SLC12A6: variants seen among roughly 807,000 people sequenced by gnomAD.
The protein encoded by SLC12A6 is K-Cl cotransporter 3.
Under a neutral mutation model 135.3 loss-of-function variants are expected in SLC12A6, and 66 were observed. The observed-to-expected ratio is 0.49, with a 90% CI of 0.40 to 0.60. The LOEUF is 0.60. Ranked by LOEUF, SLC12A6 falls within the 20% of genes least tolerant of loss-of-function variation. The pLI is 0.00. For synonymous variants in SLC12A6, 513 were observed against 508.8 expected, an observed-to-expected ratio of 1.01 and a Z score of -0.11; for missense variants, 1,058 against 1,452.3, an observed-to-expected ratio of 0.73 and a Z score of 4.41.
intron 2 of SLC12A6, among the ~76,000 whole-genome samples, chr15:34,287,250 G>A (rs929809815): frequency 6.6e-6 from 1 of 152,134 alleles, no homozygotes; most frequent in Non-Finnish European, 1.5e-5. Flanking sequence ...TTCTGATCTT[G>A]TGACAGTTTG....
chr15:34,240,168 C>T (rs940116522), intron 19 of SLC12A6, among the ~76,000 whole-genome samples: 2 of 151,728 alleles, frequency 1.3e-5, no homozygotes, highest in African/African-American at 4.8e-5. Flanking sequence ...AGGATTAGTT[C>T]TATCATATAT....
intron 2 of SLC12A6, among the ~76,000 whole-genome samples, chr15:34,323,234 T>C (rs1439990831): frequency 1.3e-5 from 2 of 152,026 alleles, no homozygotes; most frequent in Non-Finnish European, 2.9e-5. Context: ...AAGGAAGATA[T>C]GCAAACCACT....
At chr15:34,256,411 C>T in intron 6 of SLC12A6, 128 bp from the exon 7 acceptor site, 2 of 704,956 alleles carry the variant, frequency 2.8e-6, no homozygotes, top group Admixed American at 4.0e-5. Context: ...ACAGTCATAC[C>T]TAATGGTATG....
intron 2 of SLC12A6, among the ~76,000 whole-genome samples, chr15:34,335,067 C>T (rs1275351445): frequency 6.6e-6 from 1 of 152,108 alleles, no homozygotes; most frequent in Non-Finnish European, 1.5e-5. Flanking sequence ...AACCTAAATA[C>T]AGCATGATGG....
rs141909782 is a variant in SLC12A6, at chr15:34,261,016, G to A, written c.321C>T (p.Asp107=). ...ITGEHSQLLD[D]GHKKARNAYL... ...AAGCATTTCGAGCTTTCTTATGTCC[G>A]TCGTCTGGAAAAAAAAAAGTAGACC... Residue 107 remains aspartate (D), a synonymous_variant, in exon 4 of 26, where the codon GAC becomes GAT. Transcript: ENST00000354181. The A allele has an allele frequency of 9.8e-5, 149 of 1,526,240 alleles. No individual in the cohort carries two copies. The highest frequency in any genetic ancestry group is 9.1e-4 in the South Asian group (81 of 89,244). 94.5% of individuals were successfully genotyped at this position (1,526,240 alleles called of 1,614,324 possible).
At chr15:34,241,976 G>A in intron 17 of SLC12A6, 126 bp downstream of exon 17, 2 of 745,244 alleles carry the variant, frequency 2.7e-6, no homozygotes, top group South Asian at 1.4e-5. Context: ...AAAGAATTAG[G>A]GGTACAAAAT....
chr15:34,305,805 C>CTT (rs1896568290), intron 2 of SLC12A6, among the ~76,000 whole-genome samples: 1 of 146,526 alleles, frequency 6.8e-6, no homozygotes, highest in South Asian at 2.1e-4. Flanking sequence ...GTCACCCAGG[C>CTT]TAAAGGGAGT....
chr15:34,264,217 G>A (rs1893345225), intron 3 of SLC12A6, among the ~76,000 whole-genome samples: 1 of 152,156 alleles, frequency 6.6e-6, no homozygotes, highest in Non-Finnish European at 1.5e-5. Context: ...GAAAGGCTGA[G>A]GCAAAACTTT....
chr15:34,336,485 C>T lies in SLC12A6; in HGVS notation c.196G>A (p.Ala66Thr). 1 of 1,613,508 alleles carries T rather than the reference C, an allele frequency of 6.2e-7. No homozygotes were observed. The highest frequency in any genetic ancestry group is 8.5e-7 in the Non-Finnish European group (1 of 1,179,478). The change falls in exon 2 of 26, where the codon GCC (alanine) becomes ACC (threonine). Residue 66 changes from alanine to threonine, a missense_variant. Ala to Thr is a moderately conservative substitution (Grantham distance 58). This residue lies in a region of SLC12A6 where 176 missense variants were observed against 168.9 expected (regional missense o/e 1.04). Coordinates refer to ENST00000354181, the MANE Select transcript of SLC12A6 (RefSeq NM_001365088.1). ...GCAACAGTTGCCAGCGAAGTGGTGG[C>T]CCCAGACATCTCACTCATAGGCTCA... The part of the protein sequence containing the change: ...RSEPMSEMSG[A>T]TTSLATVALD...
intron 20 of SLC12A6, 94 bp from the exon 21 acceptor site, chr15:34,238,495 CTTT>C (rs775415662): frequency 2.3e-5 from 22 of 965,388 alleles, no homozygotes; most frequent in South Asian, 2.2e-4. Context: ...TTTCACACTT[CTTT>C]GAGCAAGGGG....
At chr15:34,273,067 G>A (rs1894070281) in intron 3 of SLC12A6, among the ~76,000 whole-genome samples, 1 of 152,028 alleles carries the variant, frequency 6.6e-6, no homozygotes, top group Non-Finnish European at 1.5e-5. Context: ...GTATAAAAAA[G>A]TGGCCGGGAG....
chr15:34,280,521 C>T (rs1287765403), intron 2 of SLC12A6, among the ~76,000 whole-genome samples: 1 of 152,192 alleles, frequency 6.6e-6, no homozygotes, highest in East Asian at 1.9e-4. Context: ...TCAAAAGAAA[C>T]GATTCCAACT....
At chr15:34,238,866 C>T in intron 20 of SLC12A6, 99 bp downstream of exon 20, 1 of 1,063,822 alleles carries the variant, frequency 9.4e-7, no homozygotes, top group Non-Finnish European at 1.5e-6. Context: ...TATGCTTCAG[C>T]AATGGCATAG....
chr15:34,241,063 A>G (rs1043175427), intron 18 of SLC12A6, 170 bp downstream of exon 18: 4 of 659,256 alleles, frequency 6.1e-6, no homozygotes, highest in Non-Finnish European at 5.4e-6. Flanking sequence ...CTTGATCATA[A>G]ACGACATGAA....
Position 34,337,032 on chromosome 15 carries a change from C to A in SLC12A6, c.-72-280G>T, listed in dbSNP as rs77041924. The A allele has an allele frequency of 5.4e-5, 19 of 352,180 alleles. 1 individual carries two copies. In the East Asian group the frequency reaches 1.1e-3, roughly 21 times the overall value. The allele number at this position is 352,180 out of a possible 1,614,324, so 21.8% of individuals were successfully genotyped here. On this transcript the variant is annotated intron_variant, in intron 1 of 25. Transcript: ENST00000354181. The stretch of plus-strand genomic sequence containing the variant: ...AAGGCTCAGTGCCATGGTCTCAGGG[C>A]AGCAGATGAAGCCTCCCTCCCCTCA...
At chr15:34,273,164 A>T (rs1334786882) in intron 3 of SLC12A6, among the ~76,000 whole-genome samples, 1 of 152,176 alleles carries the variant, frequency 6.6e-6, no homozygotes, top group Non-Finnish European at 1.5e-5. Context: ...CAGCCTGACC[A>T]ATAGGGCGAA....
At position 34,275,326 on chromosome 15, in the gene SLC12A6, C is replaced by A. The variant is rs756136299; in HGVS notation, c.316+19G>T. 166 of 1,332,834 alleles carry A rather than the reference C, an allele frequency of 1.2e-4. No homozygotes were observed. The highest frequency in any genetic ancestry group is 8.6e-6 in the Non-Finnish European group (8 of 924,890). The allele number at this position is 1,332,834 out of a possible 1,614,324, so 82.6% of individuals were successfully genotyped here. A position where few individuals can be genotyped will look rare whatever the true frequency, so the allele number is the denominator to read the frequency against. Reference sequence around the variant, plus strand: ...AAGGGTGACTTTGGATAAAGTCAATCCCCACAGTAATACTATACCTAACAG... The same window carrying A: ...AAGGGTGACTTTGGATAAAGTCAATACCCACAGTAATACTATACCTAACAG... On this transcript the variant is annotated intron_variant, in intron 3 of 25. Coordinates refer to ENST00000354181, the MANE Select transcript of SLC12A6 (RefSeq NM_001365088.1).
At chr15:34,269,350 T>TATATA (rs1160065293) in intron 3 of SLC12A6, among the ~76,000 whole-genome samples, 1 of 152,200 alleles carries the variant, frequency 6.6e-6, no homozygotes, top group East Asian at 1.9e-4. Context: ...TCTTACTCTT[T>TATATA]ATATAAACAC....
At chr15:34,304,996 C>G (rs570707902) in intron 2 of SLC12A6, among the ~76,000 whole-genome samples, 2 of 152,170 alleles carry the variant, frequency 1.3e-5, no homozygotes, top group Non-Finnish European at 2.9e-5. Flanking sequence ...TGTTTCCCCT[C>G]ATAGGGGAGA....
Sources: allele counts gnomAD v4.1 joint callset (sites outside exome capture counted in the v4.1 genomes callset), GRCh38; gene constraint gnomAD v4.1.1; regional missense constraint gnomAD v4.1.1; transcripts MANE v1.5; gene names NCBI Gene and HGNC (gene_info 2026-07-23, HGNC 2026-07-21).